KDSR: variants seen among roughly 807,000 people sequenced by gnomAD.
KDSR encodes 3-dehydrosphinganine reductase.
Under a neutral mutation model 41.3 loss-of-function variants are expected in KDSR, and 23 were observed. That is an observed-to-expected ratio of 0.56 (90% confidence interval 0.40 to 0.79). KDSR has a LOEUF of 0.79. Among genes scored for constraint, KDSR ranks in the 30% least tolerant of loss-of-function variants. The probability of loss-of-function intolerance (pLI) is 0.00; values close to 1 mark genes in which losing one functional copy is unlikely to be tolerated. For missense variants in KDSR, 351 were observed against 416.8 expected, an observed-to-expected ratio of 0.84 and a Z score of 1.37; for synonymous variants, 138 against 151.7, an observed-to-expected ratio of 0.91 and a Z score of 0.66.
At chr18:63,357,464 CGCA>C (rs2144373675) in intron 3 of KDSR, among the ~76,000 whole-genome samples, 1 of 141,634 alleles carries the variant, frequency 7.1e-6, no homozygotes, top group South Asian at 2.1e-4. Flanking sequence ...TAGAATACTA[CGCA>C]GCAGTAAAAA....
intron 6 of KDSR, among the ~76,000 whole-genome samples, chr18:63,350,130 T>C (rs1263073199): frequency 6.6e-6 from 1 of 152,230 alleles, no homozygotes; most frequent in Non-Finnish European, 1.5e-5. Context: ...AGAAAGAACT[T>C]TCCCTTGCCT....
Position 63,355,629 on chromosome 18 carries a change from T to G in KDSR, c.256-66A>C, listed in dbSNP as rs563449975. On this transcript the variant is annotated intron_variant, in intron 3 of 9. Coordinates refer to ENST00000645214, the MANE Select transcript of KDSR (RefSeq NM_002035.4). ...CCAAACTATTTCTTAAAGATATTTT[T>G]TAAAGAAAAGACAGTTCATTGAATA... 45 of 1,469,856 alleles carry G rather than the reference T, an allele frequency of 3.1e-5. 1 individual carries two copies. The African/African-American group carries it at 5.5e-4, about 18-fold the overall frequency. 91.1% of individuals were successfully genotyped at this position (1,469,856 alleles called of 1,614,324 possible).
intron 1 of KDSR, among the ~76,000 whole-genome samples, chr18:63,364,147 C>T (rs1056189886): frequency 3.9e-5 from 6 of 152,154 alleles, no homozygotes; most frequent in Non-Finnish European, 5.9e-5. Flanking sequence ...CACCTACTCG[C>T]CCATCAAATC....
At chr18:63,365,162 G>C (rs895785896) in intron 1 of KDSR, among the ~76,000 whole-genome samples, 1 of 152,254 alleles carries the variant, frequency 6.6e-6, no homozygotes, top group Non-Finnish European at 1.5e-5. Flanking sequence ...GGCCGGGCGC[G>C]ATGGCTCGCG....
At chr18:63,339,742 C>T (rs547892038) in intron 7 of KDSR, among the ~76,000 whole-genome samples, 1 of 152,126 alleles carries the variant, frequency 6.6e-6, no homozygotes, top group African/African-American at 2.4e-5. Flanking sequence ...TTATCTTTGG[C>T]TTTTCTTTGC....
At chr18:63,362,725 G>T in intron 2 of KDSR, 54 bp downstream of exon 2, 1 of 1,221,246 alleles carries the variant, frequency 8.2e-7, no homozygotes, top group Non-Finnish European at 1.2e-6. Flanking sequence ...CAGCCTCTTT[G>T]ACTAATTTCA....
Position 63,355,550 on chromosome 18 carries a change from A to G in KDSR, c.269T>C (p.Ile90Thr). The change falls in exon 4 of 10, where the codon ATA becomes ACA. Residue 90 changes from isoleucine to threonine, a missense_variant. Coordinates refer to ENST00000645214, the MANE Select transcript of KDSR (RefSeq NM_002035.4). ...SINDKQVVLC[I>T]SVDVSQDYNQ... ...ATAGTCTTGAGATACATCAACTGAT[A>G]TGCAAAGCACCACCTGTTAAAAAAG... The G allele has an allele frequency of 6.3e-7, 1 of 1,595,818 alleles. No individual in the cohort carries two copies. The highest frequency in any genetic ancestry group is 8.5e-7 in the Non-Finnish European group (1 of 1,175,250).
chr18:63,330,794 CT>C lies in KDSR; in HGVS notation c.*987del. On this transcript the variant is annotated 3_prime_UTR_variant, in exon 10 of 10. Coordinates refer to ENST00000645214, the MANE Select transcript of KDSR (RefSeq NM_002035.4). The stretch of plus-strand genomic sequence containing the variant: ...TAAAAAGTCAAGTCGAAAATTTTAG[CT>C]GGTCTTTTTTTTCCTTTTTTTTTTT... 1 of 225,660 alleles carries C rather than the reference CT, an allele frequency of 4.4e-6. No individual in the cohort carries two copies. 14.0% of individuals were successfully genotyped at this position (225,660 alleles called of 1,614,324 possible). A position where few individuals can be genotyped will look rare whatever the true frequency, so the allele number is the denominator to read the frequency against.
In KDSR at chr18:63,328,981, G is replaced by A. The variant is rs1367999604; in HGVS notation, c.*2801C>T. 5.1e-6 allele frequency: 1 copy of A among 196,160 alleles called. No individual in the cohort carries two copies. The highest frequency in any genetic ancestry group is 1.1e-5 in the Non-Finnish European group (1 of 94,646). The allele number at this position is 196,160 out of a possible 1,614,324, so 12.2% of individuals were successfully genotyped here. Reference sequence around the variant, plus strand: ...CATAGGTAATATTTACGCACTTCTGGGTCCAATAGAAGGTGTTGAATCAAT... The same window carrying A: ...CATAGGTAATATTTACGCACTTCTGAGTCCAATAGAAGGTGTTGAATCAAT... On this transcript the variant is annotated 3_prime_UTR_variant, in exon 10 of 10. Coordinates refer to ENST00000645214, the MANE Select transcript of KDSR (RefSeq NM_002035.4).
At chr18:63,364,800 CCT>C (rs1438216635) in intron 1 of KDSR, among the ~76,000 whole-genome samples, 1 of 152,126 alleles carries the variant, frequency 6.6e-6, no homozygotes, top group Non-Finnish European at 1.5e-5. Flanking sequence ...AGTATTGTCT[CCT>C]GTTTTTAAAA....
At position 63,327,795 on chromosome 18, in the gene KDSR, T is replaced by A. The variant is rs1016252238; in HGVS notation, c.*3987A>T. The A allele has an allele frequency of 5.3e-6, 1 of 189,050 alleles. No homozygotes were observed. The highest frequency in any genetic ancestry group is 1.9e-4 in the South Asian group (1 of 5,140). The allele number at this position is 189,050 out of a possible 1,614,324, so 11.7% of individuals were successfully genotyped here. A position where few individuals can be genotyped will look rare whatever the true frequency, so the allele number is the denominator to read the frequency against. On this transcript the variant is annotated 3_prime_UTR_variant, in exon 10 of 10. Coordinates refer to ENST00000645214, the MANE Select transcript of KDSR (RefSeq NM_002035.4). ...GATTCAGAAATACAAGGTATGAAAATTAGATTACAATTCTGCCACAAAAGC... is the reference window on the plus strand; with the variant it reads ...GATTCAGAAATACAAGGTATGAAAAATAGATTACAATTCTGCCACAAAAGC...
intron 6 of KDSR, among the ~76,000 whole-genome samples, chr18:63,348,982 A>G (rs1214541392): frequency 6.6e-6 from 1 of 152,224 alleles, no homozygotes; most frequent in Non-Finnish European, 1.5e-5. Flanking sequence ...GATTTCTGTC[A>G]CTAAGTAACT....
intron 1 of KDSR, among the ~76,000 whole-genome samples, chr18:63,364,945 T>C (rs1915092464): frequency 6.6e-6 from 1 of 152,252 alleles, no homozygotes; most frequent in South Asian, 2.1e-4. Context: ...CTGTTATACA[T>C]AAATCATGCT....
intron 2 of KDSR, among the ~76,000 whole-genome samples, chr18:63,361,024 T>TATATAA (rs1568283925): frequency 6.0e-5 from 5 of 83,866 alleles, no homozygotes; most frequent in African/African-American, 1.3e-4. Context: ...ATAAAATATA[T>TATATAA]AATATATATA....
intron 5 of KDSR, among the ~76,000 whole-genome samples, chr18:63,353,570 C>T (rs1459733954): frequency 2.6e-5 from 4 of 152,050 alleles, no homozygotes; most frequent in Non-Finnish European, 4.4e-5. Flanking sequence ...AAGCAGTCAG[C>T]TAGACACAGC....
intron 9 of KDSR, among the ~76,000 whole-genome samples, chr18:63,332,786 C>T (rs1053914932): frequency 3.6e-5 from 5 of 140,154 alleles, no homozygotes; most frequent in Non-Finnish European, 7.5e-5. Context: ...GAGCTGAGAT[C>T]GTGCCACTGC....
chr18:63,341,306 TC>T (rs1914334234), intron 7 of KDSR, among the ~76,000 whole-genome samples: 2 of 151,834 alleles, frequency 1.3e-5, no homozygotes, highest in Non-Finnish European at 2.9e-5. Flanking sequence ...AAATATGAAA[TC>T]CATGAAATAA....
At chr18:63,339,070 C>T (rs532853282) in intron 7 of KDSR, among the ~76,000 whole-genome samples, 187 bp from the exon 8 acceptor site, 2 of 152,230 alleles carry the variant, frequency 1.3e-5, no homozygotes, top group Non-Finnish European at 2.9e-5. Context: ...TAAAATTCTA[C>T]CCAGTAGCTA....
intron 8 of KDSR, among the ~76,000 whole-genome samples, chr18:63,338,146 T>A (rs533772902): frequency 5.7e-4 from 87 of 152,346 alleles, no homozygotes; most frequent in African/African-American, 2.0e-3. Flanking sequence ...TTTAGGCCAC[T>A]TCAAGGCTGT....
Sources: allele counts gnomAD v4.1 joint callset (sites outside exome capture counted in the v4.1 genomes callset), GRCh38; gene constraint gnomAD v4.1.1; transcripts MANE v1.5; gene names NCBI Gene and HGNC (gene_info 2026-07-23, HGNC 2026-07-21).